LTBP1: variants seen among roughly 807,000 people sequenced by gnomAD.
The protein encoded by LTBP1 is latent-transforming growth factor beta-binding protein 1.
LTBP1 carries 129 observed loss-of-function variants against 207.6 expected under a neutral mutation model. The ratio of observed to expected loss-of-function variants is 0.62; its 90% CI spans 0.54 to 0.72. LTBP1 has a LOEUF of 0.72. LTBP1 is among the 30% of genes least tolerant of loss of function. LTBP1 has a pLI of 0.00. For missense variants in LTBP1, 2,281 were observed against 2,217.2 expected (o/e 1.03, Z -0.58); for synonymous variants, 963 against 833.7 (o/e 1.16, Z -2.67).
intron 2 of LTBP1, among the ~76,000 whole-genome samples, chr2:33,009,502 G>A (rs937915740): frequency 6.6e-6 from 1 of 152,182 alleles, no homozygotes; most frequent in Non-Finnish European, 1.5e-5. Context: ...TTCAGCATAA[G>A]CATATAATAA....
chr2:33,293,969 C>A (rs1221700883), intron 20 of LTBP1, among the ~76,000 whole-genome samples: 1 of 127,600 alleles, frequency 7.8e-6, no homozygotes, highest in African/African-American at 2.9e-5. Context: ...TTCAGCTTCT[C>A]ATTAGTGAAC....
At chr2:33,359,697 C>T (rs1315066110) in intron 26 of LTBP1, among the ~76,000 whole-genome samples, 5 of 152,162 alleles carry the variant, frequency 3.3e-5, no homozygotes, top group Non-Finnish European at 7.4e-5. Flanking sequence ...CAAACTGGAT[C>T]ATAGGCAGTA....
chr2:33,104,290 C>G (rs1333064574), intron 3 of LTBP1, among the ~76,000 whole-genome samples: 2 of 152,278 alleles, frequency 1.3e-5, no homozygotes, highest in East Asian at 3.9e-4. Flanking sequence ...TCCTCAGATT[C>G]AAGTCTTTAG....
chr2:33,174,060 G>C (rs1024525863), intron 5 of LTBP1, among the ~76,000 whole-genome samples: 13 of 139,618 alleles, frequency 9.3e-5, no homozygotes, highest in African/African-American at 3.1e-4. Context: ...TACTGAATGG[G>C]CAAAAACTGG....
rs115268442 is a variant in LTBP1, at chr2:33,071,073, C to A, written c.864-39509C>A. On this transcript the variant is annotated intron_variant, in intron 3 of 33. Transcript: ENST00000404816. ...GTGGGTTCAGCAAGTCTGGGTGGAG[C>A]TTGCAGAGTAAAGATTTTTCCAGAG... 3.9e-3 allele frequency among the ~76,000 whole-genome samples: 601 copies of A among 152,296 alleles called. 5 individuals are homozygous for A. The highest frequency in any genetic ancestry group is 0.014 in the African/African-American group (584 of 41,558).
intron 19 of LTBP1, among the ~76,000 whole-genome samples, chr2:33,286,218 C>T (rs2093662266): frequency 6.6e-6 from 1 of 152,158 alleles, no homozygotes; most frequent in Admixed American, 6.5e-5. Context: ...GACTTTCTGA[C>T]TCCCATTTAA....
chr2:33,111,453 C>G (rs1433154692), intron 4 of LTBP1, among the ~76,000 whole-genome samples: 6 of 152,182 alleles, frequency 3.9e-5, no homozygotes, highest in Admixed American at 3.3e-4. Context: ...CAGCTTCCTG[C>G]CCTGTCACAT....
intron 2 of LTBP1, among the ~76,000 whole-genome samples, chr2:32,963,867 C>T (rs1478684937): frequency 1.3e-5 from 2 of 151,942 alleles, no homozygotes; most frequent in Non-Finnish European, 2.9e-5. Flanking sequence ...GCTTGAGGGC[C>T]CTGAGTTTAA....
In LTBP1 at chr2:33,266,006, C is replaced by T. The variant is rs529328666; in HGVS notation, c.2617+2614C>T. Among the ~76,000 whole-genome samples, 13 of 152,314 alleles carry T rather than the reference C, an allele frequency of 8.5e-5. No homozygotes were observed. In the East Asian group the frequency reaches 1.9e-3, roughly 23 times the overall value. ...TAGTGAGTCAGTAGAACAGGAGCCT[C>T]GCCCTTCAGGGTGCAGCTACAGTCA... is the stretch of plus-strand genomic sequence containing the variant. On this transcript the variant is annotated intron_variant, in intron 15 of 33. Coordinates refer to ENST00000404816, the MANE Select transcript of LTBP1 (RefSeq NM_206943.4).
intron 26 of LTBP1, among the ~76,000 whole-genome samples, chr2:33,351,508 C>T (rs2094781394): frequency 6.6e-6 from 1 of 152,166 alleles, no homozygotes; most frequent in South Asian, 2.1e-4. Context: ...TAAAAAGTCT[C>T]CTGCAGTATC....
intron 3 of LTBP1, among the ~76,000 whole-genome samples, chr2:33,109,369 A>G (rs1179522995): frequency 6.6e-6 from 1 of 152,230 alleles, no homozygotes; most frequent in Admixed American, 6.5e-5. Context: ...ATTAGAGAGC[A>G]TGTTCCCTTC....
At chr2:33,188,901 T>A (rs768130677) in intron 7 of LTBP1, 50 bp downstream of exon 7, 13 of 1,549,846 alleles carry the variant, frequency 8.4e-6, no homozygotes, top group Non-Finnish European at 1.1e-5. Context: ...AGATATGGTA[T>A]CATTTTAACA....
intron 3 of LTBP1, among the ~76,000 whole-genome samples, chr2:33,051,018 C>T (rs370715828): frequency 7.2e-5 from 11 of 152,108 alleles, no homozygotes; most frequent in African/African-American, 2.2e-4. Flanking sequence ...CCACCGCGCC[C>T]GGCCTGAAAC....
chr2:33,081,374 C>T (rs1329545739), intron 3 of LTBP1, among the ~76,000 whole-genome samples: 1 of 152,186 alleles, frequency 6.6e-6, no homozygotes, highest in South Asian at 2.1e-4. Context: ...TACATATACA[C>T]ACATGTGCCC....
At chr2:33,397,782 A>G (rs974435257) in intron 33 of LTBP1, among the ~76,000 whole-genome samples, 15 of 150,292 alleles carry the variant, frequency 1.0e-4, no homozygotes, top group Non-Finnish European at 1.8e-4. Flanking sequence ...TTGGCCTCCC[A>G]AAGTGCTGGG....
intron 4 of LTBP1, among the ~76,000 whole-genome samples, chr2:33,119,819 A>G (rs968810360): frequency 5.3e-5 from 8 of 152,298 alleles, no homozygotes; most frequent in African/African-American, 1.9e-4. Flanking sequence ...TGGCCTCCCA[A>G]AGTGCTGGGA....
At chr2:33,256,076 C>CT (rs932198592) in intron 11 of LTBP1, among the ~76,000 whole-genome samples, 2,318 of 142,714 alleles carry the variant, frequency 0.016, 22 homozygotes, top group East Asian at 0.027. Flanking sequence ...GCTGAGTCTA[C>CT]TTTTTTTTTT....
intron 21 of LTBP1, 119 bp from the exon 22 acceptor site, chr2:33,301,403 G>C (rs1213403246): frequency 8.3e-7 from 1 of 1,206,066 alleles, no homozygotes; most frequent in Non-Finnish European, 1.1e-6. Flanking sequence ...GACAATACAT[G>C]ATGGTCATTA....
chr2:33,042,579 G>A (rs886208129), intron 3 of LTBP1, among the ~76,000 whole-genome samples: 6 of 152,290 alleles, frequency 3.9e-5, no homozygotes, highest in Middle Eastern at 3.4e-3. Context: ...GATGAGAAAA[G>A]CAACTGGACA....
Sources: gnomAD v4.1 joint callset for allele counts (sites outside exome capture counted in the v4.1 genomes callset) on GRCh38, gnomAD v4.1.1 for gene constraint, MANE v1.5 for transcripts, NCBI Gene and HGNC (gene_info 2026-07-23, HGNC 2026-07-21) for gene names.